The following RIF1 variants were observed in gnomAD, a reference collection of about 807,000 sequenced individuals.
RIF1 encodes the protein telomere-associated protein RIF1.
RIF1 carries 45 observed loss-of-function variants against 247.1 expected under a neutral mutation model. The observed-to-expected ratio is 0.18, with a 90% CI of 0.14 to 0.23. The LOEUF (loss-of-function observed/expected upper bound fraction) is 0.23, where lower values mean the gene tolerates loss of function less well. RIF1 is among the 10% of genes least tolerant of loss of function. The probability of loss-of-function intolerance (pLI) is 1.00; values close to 1 mark genes in which losing one functional copy is unlikely to be tolerated. For synonymous variants in RIF1, 1,087 were observed against 978.8 expected (o/e 1.11, Z -2.06); for missense variants, 2,967 against 2,862.5 (o/e 1.04, Z -0.83).
intron 8 of RIF1, among the ~76,000 whole-genome samples, chr2:151,426,697 C>T (rs1689162929): frequency 6.6e-6 from 1 of 150,656 alleles, no homozygotes; most frequent in African/African-American, 2.4e-5. Context: ...GAGTCTCGCT[C>T]TGTTGTCCTG....
At chr2:151,453,579 CA>C (rs59661470) in intron 21 of RIF1, among the ~76,000 whole-genome samples, 4,422 of 72,844 alleles carry the variant, frequency 0.061, 76 homozygotes, top group African/African-American at 0.16. Context: ...GACTCTGTCT[CA>C]AAAAAAAAAA....
At chr2:151,428,458 A>T (rs919990776) in intron 8 of RIF1, among the ~76,000 whole-genome samples, 1 of 151,994 alleles carries the variant, frequency 6.6e-6, no homozygotes, top group African/African-American at 2.4e-5. Flanking sequence ...TATTGATTTG[A>T]TAAAGTTTGG....
intron 15 of RIF1, among the ~76,000 whole-genome samples, chr2:151,441,255 G>A (rs1357492439): frequency 6.6e-6 from 1 of 152,104 alleles, no homozygotes; most frequent in Non-Finnish European, 1.5e-5. Context: ...AGTATTTTTG[G>A]AGAGCAATTT....
chr2:151,420,303 C>T lies in RIF1; in HGVS notation c.617C>T (p.Ala206Val), dbSNP rs763493755. 7 of 1,614,142 alleles carry T rather than the reference C, an allele frequency of 4.3e-6. No homozygotes were observed. The highest frequency in any genetic ancestry group is 5.9e-6 in the Non-Finnish European group (7 of 1,180,010). The change falls in exon 7 of 36, where the codon GCT becomes GTT. Residue 206 changes from alanine (A) to valine (V), a missense_variant. Ala to Val is a moderately conservative substitution (Grantham distance 64). Transcript: ENST00000444746. ...AQKVHLRGAT[A>V]LEMGMPLLLQ... Reference sequence around the variant, plus strand: ...AAGGTACATTTGCGGGGAGCAACTGCTCTGGAGATGGGAATGCCATTATTG... The same window carrying T: ...AAGGTACATTTGCGGGGAGCAACTGTTCTGGAGATGGGAATGCCATTATTG...
chr2:151,460,020 T>G lies in RIF1; in HGVS notation c.2976T>G (p.Asn992Lys). ...YSDGTENSQLNVKISGMERKS... is the reference protein window; with the variant it reads ...YSDGTENSQLKVKISGMERKS... The stretch of plus-strand genomic sequence containing the variant: ...AACAGACAGAAAATTCACAACTAAA[T>G]GTGAAGATAAGTGGCATGGAGAGAA... Residue 992 changes from asparagine (N) to lysine (K), a missense_variant, in exon 26 of 36, where the codon AAT (asparagine) becomes AAG (lysine). By Grantham distance (94) the Asn-to-Lys change is moderately conservative. Transcript: ENST00000444746. 1 of 1,547,216 alleles carries G rather than the reference T, an allele frequency of 6.5e-7. No individual in the cohort carries two copies. The highest frequency in any genetic ancestry group is 8.8e-7 in the Non-Finnish European group (1 of 1,138,606).
chr2:151,522,603 G>C, the RIF1 span, among the ~76,000 whole-genome samples: 3 of 152,154 alleles, frequency 2.0e-5, no homozygotes, highest in African/African-American at 7.2e-5. Context: ...AATTTCCACA[G>C]CAATCTACAC....
At chr2:151,530,206 A>G in the RIF1 span, among the ~76,000 whole-genome samples, 24 of 152,198 alleles carry the variant, frequency 1.6e-4, no homozygotes, top group African/African-American at 5.3e-4. Context: ...AAAAATATAT[A>G]GAACTGTATA....
At chr2:151,525,979 T>G in the RIF1 span, 2 of 1,613,952 alleles carry the variant, frequency 1.2e-6, no homozygotes, top group Non-Finnish European at 1.7e-6. Context: ...GCTTGGTCAC[T>G]TCCTTGACGT....
rs146078480 is a variant in RIF1, at chr2:151,432,623, G to T, written c.926-454G>T. Among the ~76,000 whole-genome samples, 3 of 152,198 alleles carry T rather than the reference G, an allele frequency of 2.0e-5. No individual in the cohort carries two copies. In the East Asian group the frequency reaches 5.8e-4, roughly 29 times the overall value. On this transcript the variant is annotated intron_variant, in intron 9 of 35. Transcript: ENST00000444746. Reference sequence around the variant, plus strand: ...TATGCTTCCGTTTCTTTGTCAAATGGGGATAATGAGAATGCTAAAGCAGCT... The same window carrying T: ...TATGCTTCCGTTTCTTTGTCAAATGTGGATAATGAGAATGCTAAAGCAGCT...
At chr2:151,507,205 A>G (rs146506218) in intron 13 of RIF1, 3 of 537,536 alleles carry the variant, frequency 5.6e-6, no homozygotes, top group African/African-American at 1.9e-5. Flanking sequence ...TAAAAAACAT[A>G]TAAAGCTAGG....
chr2:151,432,570 G>T (rs974723067), intron 9 of RIF1, among the ~76,000 whole-genome samples: 1 of 152,186 alleles, frequency 6.6e-6, no homozygotes, highest in African/African-American at 2.4e-5. Context: ...TTTTTAAAAT[G>T]ATAGCCTTTT....
rs925753832 is a variant in RIF1, at chr2:151,493,228, T to C, written c.*416-2001T>C. 6.9e-6 allele frequency: 5 copies of C among 727,824 alleles called. No homozygotes were observed. The African/African-American group carries it at 7.2e-5, about 10-fold the overall frequency. 45.1% of individuals were successfully genotyped at this position (727,824 alleles called of 1,614,324 possible). A position where few individuals can be genotyped will look rare whatever the true frequency, so the allele number is the denominator to read the frequency against. Reference sequence around the variant, plus strand: ...GGTGTTAAAACGTTACTTTCCAAGATGTTGCATTTTTCTCTTTTAAAATTT... The same window carrying C: ...GGTGTTAAAACGTTACTTTCCAAGACGTTGCATTTTTCTCTTTTAAAATTT... On this transcript the variant is annotated intron_variant and NMD_transcript_variant, in intron 9 of 13. Transcript: ENST00000454583.
intron 8 of RIF1, among the ~76,000 whole-genome samples, 153 bp from the exon 9 acceptor site, chr2:151,428,629 CAT>C (rs1346584714): frequency 1.3e-5 from 2 of 152,166 alleles, no homozygotes; most frequent in East Asian, 3.8e-4. Flanking sequence ...ACATTTAACA[CAT>C]CTCTTTATGT....
At chr2:151,425,654 G>T in intron 8 of RIF1, among the ~76,000 whole-genome samples, 1 of 134,988 alleles carries the variant, frequency 7.4e-6, no homozygotes, top group African/African-American at 2.7e-5. Flanking sequence ...AAATCCTTGT[G>T]GTACCCTTTT....
chr2:151,470,720 C>G (rs974837777), intron 34 of RIF1, among the ~76,000 whole-genome samples: 1 of 152,126 alleles, frequency 6.6e-6, no homozygotes, highest in African/African-American at 2.4e-5. Flanking sequence ...AAGACTTCTG[C>G]TGTATTCTTG....
chr2:151,500,753 A>G (rs1332151019), intron 11 of RIF1, among the ~76,000 whole-genome samples: 1 of 151,880 alleles, frequency 6.6e-6, no homozygotes, highest in African/African-American at 2.4e-5. Flanking sequence ...ATGTGCCACC[A>G]CGCTTGGCTA....
chr2:151,463,603 A>G lies in RIF1; in HGVS notation c.4083A>G (p.Thr1361=). 6.2e-7 allele frequency: 1 copy of G among 1,613,778 alleles called. No homozygotes were observed. Among genetic ancestry groups the G allele is most frequent in the Non-Finnish European group, 8.5e-7 (1 of 1,179,902 alleles). ...EHDNTKLKAA[T]VENAVLLETN... Reference sequence around the variant, plus strand: ...ACAATACAAAGCTTAAAGCAGCAACAGTGGAAAATGCTGTATTATTGGAAA... The same window carrying G: ...ACAATACAAAGCTTAAAGCAGCAACGGTGGAAAATGCTGTATTATTGGAAA... Residue 1361 remains threonine, a synonymous_variant, in exon 30 of 36, where the codon ACA becomes ACG. Transcript: ENST00000444746.
chr2:151,470,825 C>T (rs1399026242), intron 34 of RIF1, among the ~76,000 whole-genome samples: 1 of 152,092 alleles, frequency 6.6e-6, no homozygotes, highest in Non-Finnish European at 1.5e-5. Flanking sequence ...TTTTCTGTCT[C>T]ACAGATTGAA....
At chr2:151,494,116 G>C in intron 9 of RIF1, 3 of 1,495,408 alleles carry the variant, frequency 2.0e-6, no homozygotes, top group Non-Finnish European at 2.8e-6. Context: ...AACTGCAAGA[G>C]TTATTTTGCA....
Sources: allele counts gnomAD v4.1 joint callset (sites outside exome capture counted in the v4.1 genomes callset), GRCh38; gene constraint gnomAD v4.1.1; transcripts MANE v1.5; gene names NCBI Gene and HGNC (gene_info 2026-07-23, HGNC 2026-07-21).